Variants in RNF216 observed in about 807,000 individuals in gnomAD.
RNF216 encodes the protein E3 ubiquitin-protein ligase RNF216.
Under a neutral mutation model 110.8 loss-of-function variants are expected in RNF216, and 72 were observed. The ratio of observed to expected loss-of-function variants is 0.65; its 90% CI spans 0.54 to 0.79. The LOEUF is 0.79. RNF216 is among the 30% of genes least tolerant of loss of function. The pLI is 0.00. For missense variants in RNF216, 1,342 were observed against 1,141.2 expected, an observed-to-expected ratio of 1.18 and a Z score of -2.54; for synonymous variants, 495 against 407.5, an observed-to-expected ratio of 1.21 and a Z score of -2.59.
chr7:5,655,382 G>A (rs897217171), intron 13 of RNF216, among the ~76,000 whole-genome samples: 1 of 152,220 alleles, frequency 6.6e-6, no homozygotes, highest in Non-Finnish European at 1.5e-5. Flanking sequence ...GGGATCACCT[G>A]AGGTCAGACA....
chr7:5,761,561 G>A (rs1278900798), intron 1 of RNF216, among the ~76,000 whole-genome samples: 3 of 152,224 alleles, frequency 2.0e-5, no homozygotes, highest in Admixed American at 6.5e-5. Context: ...GCCGAGGCGG[G>A]CAGGTCATGA....
At chr7:5,715,226 G>C (rs775733733) in intron 10 of RNF216, 36 bp from the exon 11 acceptor site, 31 of 1,594,906 alleles carry the variant, frequency 1.9e-5, no homozygotes, top group Non-Finnish European at 7.7e-6. Context: ...GAAATGTCCT[G>C]CACTTAAGGA....
At position 5,622,724 on chromosome 7, in the gene RNF216, G is replaced by T; in HGVS notation, c.*136C>A. 1.2e-6 allele frequency: 1 copy of T among 815,892 alleles called. No individual in the cohort carries two copies. Among genetic ancestry groups the T allele is most frequent in the East Asian group, 2.5e-5 (1 of 39,694 alleles). 50.5% of individuals were successfully genotyped at this position (815,892 alleles called of 1,614,324 possible). On this transcript the variant is annotated 3_prime_UTR_variant, in exon 17 of 17. Transcript: ENST00000389902. Reference sequence around the variant, plus strand: ...AGGAGCAGTAGCCCTTCTAGGAAAGGGGTGGGAAGAAAACCAGCCTACCCT... The same window carrying T: ...AGGAGCAGTAGCCCTTCTAGGAAAGTGGTGGGAAGAAAACCAGCCTACCCT...
intron 13 of RNF216, among the ~76,000 whole-genome samples, chr7:5,678,094 T>C (rs1025694340): frequency 6.6e-6 from 1 of 152,138 alleles, no homozygotes; most frequent in African/African-American, 2.4e-5. Flanking sequence ...TGCACTCCAA[T>C]GCCTGACGCC....
intron 4 of RNF216, 147 bp downstream of exon 4, chr7:5,740,826 C>G (rs529200290): frequency 2.9e-6 from 2 of 679,440 alleles, no homozygotes; most frequent in African/African-American, 3.7e-5. Flanking sequence ...TTCAGAGTGT[C>G]TCTTCTATTC....
intron 13 of RNF216, among the ~76,000 whole-genome samples, chr7:5,686,614 C>T (rs1270399187): frequency 1.3e-5 from 2 of 152,220 alleles, no homozygotes; most frequent in Admixed American, 6.5e-5. Flanking sequence ...TAGAACTGCA[C>T]TTGTCAACTA....
chr7:5,739,128 T>C, intron 5 of RNF216, 148 bp downstream of exon 5: 1 of 942,748 alleles, frequency 1.1e-6, no homozygotes, highest in African/African-American at 1.7e-5. Flanking sequence ...GTTCTGAAGA[T>C]GGATGGTGGT....
intron 1 of RNF216, among the ~76,000 whole-genome samples, chr7:5,768,713 G>A (rs1796337584): frequency 1.3e-5 from 2 of 150,330 alleles, no homozygotes; most frequent in South Asian, 4.2e-4. Context: ...CCAGGCTGGA[G>A]TGCAGTGGCT....
At position 5,672,090 on chromosome 7, in the gene RNF216, G is replaced by A. The variant is rs538062801; in HGVS notation, c.2062-19580C>T. ...AAGGAGTAGATGGCAGTGGATCAGA[G>A]AAGTTCCCGCCCCTTTGTGCACACG... On this transcript the variant is annotated intron_variant, in intron 13 of 16. Coordinates refer to ENST00000389902, the MANE Select transcript of RNF216 (RefSeq NM_207111.4). Among the ~76,000 whole-genome samples the A allele has an allele frequency of 1.2e-4, 18 of 152,366 alleles. 1 individual carries two copies. The East Asian group carries it at 3.5e-3, about 29-fold the overall frequency.
intron 3 of RNF216, 136 bp downstream of exon 3, chr7:5,752,710 G>A (rs1170321858): frequency 1.1e-5 from 8 of 747,058 alleles, no homozygotes; most frequent in African/African-American, 8.9e-5. Context: ...AAGAGTACAC[G>A]AGGTAGAATG....
chr7:5,662,683 A>T (rs1042224545), intron 13 of RNF216: 5 of 152,236 alleles, frequency 3.3e-5, no homozygotes, highest in Admixed American at 6.6e-5. Flanking sequence ...AGGGATCGGT[A>T]TAAAACGAAG....
chr7:5,770,321 C>G (rs1343131885), intron 1 of RNF216, among the ~76,000 whole-genome samples: 3 of 151,908 alleles, frequency 2.0e-5, no homozygotes, highest in Non-Finnish European at 4.4e-5. Context: ...ATTCACCAGG[C>G]GTGGTGGCAC....
At chr7:5,733,214 T>C (rs1794192407) in intron 5 of RNF216, 1 of 152,230 alleles carries the variant, frequency 6.6e-6, no homozygotes, top group Non-Finnish European at 1.5e-5. Context: ...AAAACAAGAC[T>C]GGCTTGAAAA....
chr7:5,626,058 T>C (rs919708876), intron 15 of RNF216, among the ~76,000 whole-genome samples: 1 of 152,184 alleles, frequency 6.6e-6, no homozygotes, highest in Non-Finnish European at 1.5e-5. Flanking sequence ...AAAGGTCAAG[T>C]TCCCATCATG....
intron 13 of RNF216, among the ~76,000 whole-genome samples, chr7:5,656,565 G>A (rs1788759160): frequency 1.3e-5 from 2 of 152,170 alleles, no homozygotes; most frequent in African/African-American, 4.8e-5. Context: ...CCCTCTCAGG[G>A]GGGAAGGAGC....
chr7:5,689,881 C>T (rs1791219728), intron 13 of RNF216, among the ~76,000 whole-genome samples: 1 of 149,134 alleles, frequency 6.7e-6, no homozygotes, highest in Non-Finnish European at 1.5e-5. Flanking sequence ...CGGGGGGTTG[C>T]AGTGAGCCAA....
intron 1 of RNF216, among the ~76,000 whole-genome samples, chr7:5,781,174 C>T (rs1232101340): frequency 6.6e-6 from 1 of 152,140 alleles, no homozygotes; most frequent in Non-Finnish European, 1.5e-5. Context: ...CGCTCGGGTG[C>T]ACGGACACCG....
chr7:5,682,829 G>C (rs1790746628), intron 13 of RNF216, among the ~76,000 whole-genome samples: 2 of 152,150 alleles, frequency 1.3e-5, no homozygotes, highest in African/African-American at 4.8e-5. Context: ...TTGGAATCAA[G>C]AGTCCTACTC....
intron 13 of RNF216, among the ~76,000 whole-genome samples, chr7:5,689,362 T>TAAAAAAAAA (rs72421808): frequency 7.8e-6 from 1 of 127,480 alleles, no homozygotes. Flanking sequence ...TTTGTAGTAT[T>TAAAAAAAAA]AAAAAAAAAA....
Sources: allele counts gnomAD v4.1 joint callset (sites outside exome capture counted in the v4.1 genomes callset), GRCh38; gene constraint gnomAD v4.1.1; transcripts MANE v1.5; gene names NCBI Gene and HGNC (gene_info 2026-07-23, HGNC 2026-07-21).